The following ANTXR1 variants were observed in gnomAD, a reference collection of about 807,000 sequenced individuals.
The protein encoded by ANTXR1 is anthrax toxin receptor 1.
In ANTXR1, 19 loss-of-function variants were observed where a neutral mutation model predicts 78.1. The ratio of observed to expected loss-of-function variants is 0.24; its 90% CI spans 0.17 to 0.36. ANTXR1 has a LOEUF of 0.36. Among genes scored for constraint, ANTXR1 ranks in the 10% least tolerant of loss-of-function variants. ANTXR1 has a pLI of 1.00. For missense variants in ANTXR1, 518 were observed against 718.6 expected (o/e 0.72, Z 3.19); for synonymous variants, 273 against 260.5 (o/e 1.05, Z -0.46).
intron 17 of ANTXR1, among the ~76,000 whole-genome samples, chr2:69,215,336 CCTT>C (rs1675150113): frequency 6.6e-6 from 1 of 152,216 alleles, no homozygotes; most frequent in African/African-American, 2.4e-5. Flanking sequence ...CCTTTTATAG[CCTT>C]CATCTGGCTG....
intron 16 of ANTXR1, among the ~76,000 whole-genome samples, chr2:69,186,132 A>G (rs1239653128): frequency 2.0e-5 from 3 of 152,198 alleles, no homozygotes; most frequent in African/African-American, 4.8e-5. Context: ...ACCACTCCCC[A>G]GAGCATCCTG....
At chr2:69,049,696 T>C (rs1293488828) in intron 3 of ANTXR1, among the ~76,000 whole-genome samples, 3 of 152,218 alleles carry the variant, frequency 2.0e-5, no homozygotes, top group Non-Finnish European at 4.4e-5. Context: ...AAGGTGATTG[T>C]AGTATCTGTG....
At chr2:69,193,462 C>CAG in intron 17 of ANTXR1, 47 bp downstream of exon 17, 2 of 1,171,570 alleles carry the variant, frequency 1.7e-6, no homozygotes, top group South Asian at 1.2e-5. Flanking sequence ...CTCTCTCTCA[C>CAG]ATACACACAC....
At chr2:69,102,615 G>T (rs1671660039) in intron 9 of ANTXR1, among the ~76,000 whole-genome samples, 2 of 152,202 alleles carry the variant, frequency 1.3e-5, no homozygotes, top group Non-Finnish European at 2.9e-5. Context: ...AAGGTAAAAG[G>T]GTGGGAATTC....
chr2:69,212,290 A>G (rs1047742114), intron 17 of ANTXR1, among the ~76,000 whole-genome samples: 10 of 152,234 alleles, frequency 6.6e-5, no homozygotes, highest in African/African-American at 2.4e-4. Flanking sequence ...AGAATTTCAC[A>G]GGACCTTGGA....
rs1673946582 is a variant in ANTXR1, at chr2:69,170,303, G to A, written c.1089+14G>A. On this transcript the variant is annotated intron_variant, in intron 14 of 17. Transcript: ENST00000303714. ...GAGGAGAGTGAGGTAAGTGACCACA[G>A]CAGGATGGCAGTGGGTGGGCAGGGT... The A allele has an allele frequency of 6.2e-7, 1 of 1,613,936 alleles. No individual in the cohort carries two copies. The highest frequency in any genetic ancestry group is 8.5e-7 in the Non-Finnish European group (1 of 1,180,016).
At chr2:69,076,158 G>A (rs1670725200) in intron 7 of ANTXR1, among the ~76,000 whole-genome samples, 2 of 151,892 alleles carry the variant, frequency 1.3e-5, no homozygotes, top group South Asian at 4.2e-4. Context: ...TTAAATTTTT[G>A]TAAAGATAAA....
chr2:69,069,035 A>T (rs536319490), intron 3 of ANTXR1, among the ~76,000 whole-genome samples: 21 of 152,308 alleles, frequency 1.4e-4, no homozygotes, highest in Non-Finnish European at 2.5e-4. Flanking sequence ...GTCAGTTTCC[A>T]AAGTCTGAGT....
chr2:69,150,984 A>G (rs1673375278), intron 12 of ANTXR1, among the ~76,000 whole-genome samples: 1 of 152,136 alleles, frequency 6.6e-6, no homozygotes, highest in Non-Finnish European at 1.5e-5. Flanking sequence ...TGATCACACC[A>G]CTACACTCCA....
chr2:69,127,235 A>G (rs1197480050), intron 12 of ANTXR1, among the ~76,000 whole-genome samples: 2 of 152,232 alleles, frequency 1.3e-5, no homozygotes, highest in African/African-American at 4.8e-5. Context: ...AATTGTAAAT[A>G]GAGTAATGGA....
chr2:69,135,568 T>A (rs1672886277), intron 12 of ANTXR1, among the ~76,000 whole-genome samples: 1 of 152,086 alleles, frequency 6.6e-6, no homozygotes, highest in African/African-American at 2.4e-5. Context: ...ATCAGGCAAA[T>A]ACCAAAAGAA....
At chr2:69,101,730 A>G (rs1348211377) in intron 9 of ANTXR1, among the ~76,000 whole-genome samples, 1 of 152,214 alleles carries the variant, frequency 6.6e-6, no homozygotes, top group Non-Finnish European at 1.5e-5. Context: ...ACTGTGTAAG[A>G]TCCATATTCA....
At chr2:69,084,252 C>A (rs546312985) in intron 8 of ANTXR1, among the ~76,000 whole-genome samples, 1 of 152,204 alleles carries the variant, frequency 6.6e-6, no homozygotes, top group Non-Finnish European at 1.5e-5. Flanking sequence ...GAGCTTTTCT[C>A]CTGCAGACAT....
chr2:69,113,887 G>A (rs4547558), intron 10 of ANTXR1, among the ~76,000 whole-genome samples: 4,541 of 152,244 alleles, frequency 0.03, 217 homozygotes, highest in East Asian at 0.19. Context: ...CTGACCTCAG[G>A]ATTACAAAAT....
At chr2:69,168,206 A>G (rs887796348) in intron 13 of ANTXR1, among the ~76,000 whole-genome samples, 1 of 152,216 alleles carries the variant, frequency 6.6e-6, no homozygotes, top group East Asian at 1.9e-4. Context: ...AGATGTAATC[A>G]AGGTAAGAGA....
intron 17 of ANTXR1, among the ~76,000 whole-genome samples, chr2:69,197,758 C>T (rs988717925): frequency 2.6e-5 from 4 of 152,296 alleles, no homozygotes; most frequent in African/African-American, 9.6e-5. Context: ...TCCTGCACAG[C>T]TTGGCCACTC....
rs2104540075 is a variant in ANTXR1, at chr2:69,248,376, T to C, written c.*2891T>C. 6.2e-6 allele frequency: 1 copy of C among 161,836 alleles called. No homozygotes were observed. The highest frequency in any genetic ancestry group is 2.4e-5 in the African/African-American group (1 of 41,584). The allele number at this position is 161,836 out of a possible 1,614,324, so 10.0% of individuals were successfully genotyped here. On this transcript the variant is annotated 3_prime_UTR_variant, in exon 18 of 18. Coordinates refer to ENST00000303714, the MANE Select transcript of ANTXR1 (RefSeq NM_032208.3). Reference sequence around the variant, plus strand: ...TATTCTACCAAGCTGTGCTTGTTGGTTTTTCCCATGACTGTATTGCTTTTA... The same window carrying C: ...TATTCTACCAAGCTGTGCTTGTTGGCTTTTCCCATGACTGTATTGCTTTTA...
intron 10 of ANTXR1, among the ~76,000 whole-genome samples, chr2:69,110,788 A>T (rs944050223): frequency 6.6e-6 from 1 of 152,086 alleles, no homozygotes; most frequent in Non-Finnish European, 1.5e-5. Flanking sequence ...CGTGAACCTG[A>T]GAGGCAGAGC....
At chr2:69,195,011 T>C (rs1163796540) in intron 17 of ANTXR1, among the ~76,000 whole-genome samples, 1 of 151,484 alleles carries the variant, frequency 6.6e-6, no homozygotes, top group African/African-American at 2.4e-5. Context: ...CTACTAAAAA[T>C]ACAAAAATTA....
Sources: gnomAD v4.1 joint callset for allele counts (sites outside exome capture counted in the v4.1 genomes callset) on GRCh38, gnomAD v4.1.1 for gene constraint, MANE v1.5 for transcripts, NCBI Gene and HGNC (gene_info 2026-07-23, HGNC 2026-07-21) for gene names.